Variants in STK38L observed in about 807,000 individuals in gnomAD.
The protein encoded by STK38L is serine/threonine kinase 38 like.
Under a neutral mutation model 59.7 loss-of-function variants are expected in STK38L, and 28 were observed. The observed-to-expected ratio is 0.47, with a 90% CI of 0.35 to 0.64. The LOEUF (loss-of-function observed/expected upper bound fraction) is 0.64, where lower values mean the gene tolerates loss of function less well. STK38L is among the 30% of genes least tolerant of loss of function. The pLI, the probability that STK38L is intolerant of heterozygous loss-of-function variation, is 0.01. For synonymous variants in STK38L, 162 were observed against 176.8 expected (o/e 0.92, Z 0.66); for missense variants, 314 against 555.8 (o/e 0.56, Z 4.37).
At chr12:27,321,028 G>T (rs1944717000) in intron 12 of STK38L, among the ~76,000 whole-genome samples, 1 of 152,122 alleles carries the variant, frequency 6.6e-6, no homozygotes, top group Admixed American at 6.5e-5. Flanking sequence ...GTTTTATAAT[G>T]AGGGAACAGT....
chr12:27,272,184 G>A (rs1045715175), intron 1 of STK38L, among the ~76,000 whole-genome samples: 2 of 152,066 alleles, frequency 1.3e-5, no homozygotes, highest in African/African-American at 2.4e-5. Context: ...ATAATACAAC[G>A]AATTAAGGTC....
chr12:27,290,781 G>A (rs925032574), intron 1 of STK38L, among the ~76,000 whole-genome samples: 2 of 152,206 alleles, frequency 1.3e-5, no homozygotes, highest in Non-Finnish European at 2.9e-5. Flanking sequence ...CTCTGCTCCA[G>A]CTGTCATTGT....
intron 3 of STK38L, among the ~76,000 whole-genome samples, chr12:27,307,133 C>T (rs1273266702): frequency 6.6e-6 from 1 of 151,942 alleles, no homozygotes; most frequent in East Asian, 1.9e-4. Flanking sequence ...TGGAAAAAGA[C>T]ATTTAAAAAA....
rs1944788735 is a variant in STK38L, at chr12:27,324,061, G to A, written c.*1606G>A. On this transcript the variant is annotated 3_prime_UTR_variant, in exon 14 of 14. Transcript: ENST00000389032. ...AGGAGCATTATGCAAATCTACACAA[G>A]CTTTTATAAATGTTGCTGCTGGGTA... 1 of 152,090 alleles carries A rather than the reference G, an allele frequency of 6.6e-6. No homozygotes were observed. Among genetic ancestry groups the A allele is most frequent in the African/African-American group, 2.4e-5 (1 of 41,434 alleles). 9.4% of individuals were successfully genotyped at this position (152,090 alleles called of 1,614,324 possible).
In STK38L at chr12:27,312,631, A is replaced by G; in HGVS notation, c.476A>G (p.Asp159Gly). Residue 159 changes from aspartate (D) to glycine (G), a missense_variant, in exon 6 of 14, where the codon GAT (aspartate) becomes GGT (glycine). This residue lies in a region of STK38L where 192 missense variants were observed against 316.9 expected (regional missense o/e 0.61). Coordinates refer to ENST00000389032, the MANE Select transcript of STK38L (RefSeq NM_015000.4). The stretch of plus-strand genomic sequence containing the variant: ...GTGAAGATGTTTTACAGTTTTCAGG[A>G]TAAGAGGAATCTTTATCTAATCATG... ...WVVKMFYSFQ[D>G]KRNLYLIMEF... is the part of the protein sequence containing the mutation. The G allele has an allele frequency of 6.2e-7, 1 of 1,614,122 alleles. No homozygotes were observed. The highest frequency in any genetic ancestry group is 8.5e-7 in the Non-Finnish European group (1 of 1,180,020).
At chr12:27,252,554 C>T (rs188972187) in intron 1 of STK38L, among the ~76,000 whole-genome samples, 1 of 152,374 alleles carries the variant, frequency 6.6e-6, no homozygotes, top group Admixed American at 6.5e-5. Flanking sequence ...CTGTATTTGG[C>T]AGCAGAGGCT....
chr12:27,306,780 G>A (rs1944327274), intron 3 of STK38L, among the ~76,000 whole-genome samples: 1 of 138,134 alleles, frequency 7.2e-6, no homozygotes. Flanking sequence ...TTTCGGTCTT[G>A]TCACCCAGGC....
intron 1 of STK38L, among the ~76,000 whole-genome samples, chr12:27,260,334 G>C (rs935091846): frequency 6.6e-6 from 1 of 152,060 alleles, no homozygotes; most frequent in Admixed American, 6.6e-5. Flanking sequence ...TGTCTTCAGG[G>C]CAATAATCAT....
intron 11 of STK38L, among the ~76,000 whole-genome samples, chr12:27,319,084 G>GT (rs1313029372): frequency 2.0e-5 from 3 of 152,014 alleles, no homozygotes; most frequent in Admixed American, 2.0e-4. Flanking sequence ...ACCTAACATA[G>GT]TAACTATGGT....
At chr12:27,286,574 A>G (rs1943777904) in intron 1 of STK38L, among the ~76,000 whole-genome samples, 1 of 152,132 alleles carries the variant, frequency 6.6e-6, no homozygotes, top group African/African-American at 2.4e-5. Context: ...CATTCCATCA[A>G]TCATTTCATT....
chr12:27,250,311 C>T (rs1942944015), intron 1 of STK38L, among the ~76,000 whole-genome samples: 1 of 152,138 alleles, frequency 6.6e-6, no homozygotes, highest in Admixed American at 6.5e-5. Context: ...TCTCTTGATT[C>T]CTCACCAATT....
intron 1 of STK38L, among the ~76,000 whole-genome samples, chr12:27,271,226 G>A (rs1354486882): frequency 2.0e-5 from 3 of 152,220 alleles, no homozygotes; most frequent in Non-Finnish European, 2.9e-5. Context: ...AGTTTTAGAC[G>A]TAGATTCATA....
intron 3 of STK38L, among the ~76,000 whole-genome samples, chr12:27,306,362 A>C (rs549705747): frequency 9.9e-5 from 15 of 151,744 alleles, no homozygotes; most frequent in Admixed American, 3.9e-4. Flanking sequence ...TTAAAAAAAA[A>C]CCCTCCTCAC....
chr12:27,254,496 A>G (rs1420608939), intron 1 of STK38L, among the ~76,000 whole-genome samples: 1 of 152,224 alleles, frequency 6.6e-6, no homozygotes, highest in Non-Finnish European at 1.5e-5. Context: ...ATTGCTAGAG[A>G]TAAAAAGCAC....
rs951791907 is a variant in STK38L, at chr12:27,292,069, C to T, written c.-11-5641C>T. 3.9e-5 allele frequency among the ~76,000 whole-genome samples: 6 copies of T among 152,300 alleles called. No homozygotes were observed. In the East Asian group the frequency reaches 5.8e-4, roughly 15 times the overall value. On this transcript the variant is annotated intron_variant, in intron 1 of 13. Transcript: ENST00000389032. The stretch of plus-strand genomic sequence containing the variant: ...AATAGAGCAGTCTGGAGAAAACACA[C>T]GTGAACAGGAAATTCAAGGGCACCT...
At position 27,315,065 on chromosome 12, in the gene STK38L, T is replaced by C; in HGVS notation, c.723T>C (p.Ala241=). ...GTTTATGTACGGGATTAAAGAAAGC[T>C]CACAGGACTGAATTTTATAGAAATC... The part of the protein sequence containing the change: ...DFGLCTGLKK[A]HRTEFYRNLT... Residue 241 remains alanine (A), a synonymous_variant, in exon 8 of 14, where the codon GCT becomes GCC. Coordinates refer to ENST00000389032, the MANE Select transcript of STK38L (RefSeq NM_015000.4). The C allele has an allele frequency of 6.2e-7, 1 of 1,613,644 alleles. No individual in the cohort carries two copies. The highest frequency in any genetic ancestry group is 8.5e-7 in the Non-Finnish European group (1 of 1,179,870).
At position 27,315,015 on chromosome 12, in the gene STK38L, G is replaced by T; in HGVS notation, c.673G>T (p.Gly225Cys). ...KPDNLLLDAK[G>C]HVKLSDFGLC... ...CTAATTTTACTGGATTTTTTTTTAG[G>T]GTCATGTAAAATTATCTGATTTTGG... The change falls in exon 8 of 14, where the codon GGT becomes TGT. Residue 225 changes from glycine to cysteine, a missense_variant and splice_region_variant. Coordinates refer to ENST00000389032, the MANE Select transcript of STK38L (RefSeq NM_015000.4). 3 of 1,592,520 alleles carry T rather than the reference G, an allele frequency of 1.9e-6. No homozygotes were observed. Among genetic ancestry groups the T allele is most frequent in the Middle Eastern group, 1.7e-4 (1 of 5,970 alleles).
intron 2 of STK38L, among the ~76,000 whole-genome samples, chr12:27,301,668 G>T (rs1026017249): frequency 1.3e-5 from 2 of 152,140 alleles, no homozygotes; most frequent in African/African-American, 2.4e-5. Flanking sequence ...ATAAGTTAAG[G>T]AAAACTGAGC....
chr12:27,281,995 C>T (rs574581940), intron 1 of STK38L, among the ~76,000 whole-genome samples: 1 of 152,246 alleles, frequency 6.6e-6, no homozygotes, highest in African/African-American at 2.4e-5. Flanking sequence ...AAGATCACGC[C>T]ATTGCACTCC....
Sources: allele counts gnomAD v4.1 joint callset (sites outside exome capture counted in the v4.1 genomes callset), GRCh38; gene constraint gnomAD v4.1.1; regional missense constraint gnomAD v4.1.1; transcripts MANE v1.5; gene names NCBI Gene and HGNC (gene_info 2026-07-23, HGNC 2026-07-21).